Variants in TRIP12 observed in about 807,000 individuals in gnomAD.
The protein encoded by TRIP12 is E3 ubiquitin-protein ligase TRIP12.
In TRIP12, 25 loss-of-function variants were observed where a neutral mutation model predicts 244.2. The ratio of observed to expected loss-of-function variants is 0.10; its 90% CI spans 0.07 to 0.14. The LOEUF is 0.14. Ranked by LOEUF, TRIP12 falls within the 10% of genes least tolerant of loss-of-function variation. The pLI is 1.00. For synonymous variants in TRIP12, 905 were observed against 873.1 expected, an observed-to-expected ratio of 1.04 and a Z score of -0.64; for missense variants, 1,677 against 2,486.4, an observed-to-expected ratio of 0.67 and a Z score of 6.92.
Position 229,817,497 on chromosome 2 carries a change from A to G in TRIP12, c.1599+867T>C, listed in dbSNP as rs530172299. Among the ~76,000 whole-genome samples, 13 of 152,350 alleles carry G rather than the reference A, an allele frequency of 8.5e-5. No homozygotes were observed. In the South Asian group the frequency reaches 1.0e-3, roughly 12 times the overall value. ...TGTTTTCATATTTAAAAGTTTAAGG[A>G]ATCAAGCTGTTAATAAATCTATCAT... is the stretch of plus-strand genomic sequence containing the variant. On this transcript the variant is annotated intron_variant, in intron 9 of 41. Coordinates refer to ENST00000675903, the MANE Select transcript of TRIP12 (RefSeq NM_001348323.3).
chr2:229,775,649 A>C (rs2035997347), intron 37 of TRIP12, among the ~76,000 whole-genome samples: 1 of 151,102 alleles, frequency 6.6e-6, no homozygotes, highest in South Asian at 2.1e-4. Context: ...GATTTTATAT[A>C]TTAAGTCGAG....
chr2:229,888,101 C>A (rs935925614), intron 1 of TRIP12, among the ~76,000 whole-genome samples: 2 of 152,192 alleles, frequency 1.3e-5, no homozygotes, highest in Non-Finnish European at 2.9e-5. Flanking sequence ...TATTTACATT[C>A]TATAGTTCTA....
At chr2:229,806,340 A>C (rs1246718149) in intron 17 of TRIP12, among the ~76,000 whole-genome samples, 1 of 150,978 alleles carries the variant, frequency 6.6e-6, no homozygotes, top group Non-Finnish European at 1.5e-5. Flanking sequence ...AATTGTCCTC[A>C]TTAAACAAAG....
At position 229,879,962 on chromosome 2, in the gene TRIP12, A is replaced by G. The variant is rs1443820482; in HGVS notation, c.98+20T>C. 1.2e-6 allele frequency: 2 copies of G among 1,613,054 alleles called. No individual in the cohort carries two copies. Among genetic ancestry groups the G allele is most frequent in the Admixed American group, 1.7e-5 (1 of 60,006 alleles). On this transcript the variant is annotated intron_variant, in intron 2 of 41. Transcript: ENST00000675903. ...TTCTTTTATTCCCAATTCCTTTTCA[A>G]ATTACCATGAAATACATACCTTCCT...
At chr2:229,869,590 A>G (rs1445354832) in intron 2 of TRIP12, among the ~76,000 whole-genome samples, 1 of 152,138 alleles carries the variant, frequency 6.6e-6, no homozygotes, top group Non-Finnish European at 1.5e-5. Context: ...TTTCCCTGGT[A>G]GGAAAAGAAA....
At chr2:229,903,029 T>C (rs1400814905) in intron 1 of TRIP12, among the ~76,000 whole-genome samples, 1 of 149,626 alleles carries the variant, frequency 6.7e-6, no homozygotes, top group Admixed American at 6.6e-5. Context: ...TTTTTTTTTT[T>C]TTTTTTTGCC....
At chr2:229,877,417 C>G (rs755312770) in intron 2 of TRIP12, among the ~76,000 whole-genome samples, 5 of 152,194 alleles carry the variant, frequency 3.3e-5, no homozygotes, top group Admixed American at 6.5e-5. Flanking sequence ...GTAATCCCAG[C>G]TACTACTTGG....
At chr2:229,780,784 T>C (rs2037888849) in intron 34 of TRIP12, among the ~76,000 whole-genome samples, 1 of 152,158 alleles carries the variant, frequency 6.6e-6, no homozygotes, top group Non-Finnish European at 1.5e-5. Flanking sequence ...CTAACATATA[T>C]GTGTACATGA....
At chr2:229,869,208 T>A (rs1423406107) in intron 2 of TRIP12, among the ~76,000 whole-genome samples, 1 of 152,174 alleles carries the variant, frequency 6.6e-6, no homozygotes, top group Admixed American at 6.5e-5. Flanking sequence ...TATGCCCTAT[T>A]TCAACCCTTC....
At chr2:229,885,093 CTA>C (rs138295225) in intron 1 of TRIP12, among the ~76,000 whole-genome samples, 2,922 of 152,220 alleles carry the variant, frequency 0.019, 66 homozygotes, top group African/African-American at 0.064. Context: ...TGTGATTTTT[CTA>C]TGTTTGGATA....
At chr2:229,767,993 G>C (rs1480099429) in intron 41 of TRIP12, among the ~76,000 whole-genome samples, 1 of 152,168 alleles carries the variant, frequency 6.6e-6, no homozygotes, top group East Asian at 1.9e-4. Context: ...AATACCCACA[G>C]TGGTTCACGC....
intron 4 of TRIP12, among the ~76,000 whole-genome samples, chr2:229,845,223 T>C (rs2057328542): frequency 6.6e-6 from 1 of 152,188 alleles, no homozygotes; most frequent in Non-Finnish European, 1.5e-5. Flanking sequence ...TCTCTTGGCT[T>C]TACCACCCAT....
At chr2:229,785,735 C>A (rs1183756011) in intron 34 of TRIP12, 22 bp downstream of exon 34, 1 of 1,603,814 alleles carries the variant, frequency 6.2e-7, no homozygotes, top group South Asian at 1.1e-5. Flanking sequence ...GCTAAATAAC[C>A]ATCACCAGAC....
chr2:229,821,762 C>CTA (rs1318792240), intron 8 of TRIP12, among the ~76,000 whole-genome samples: 1 of 152,132 alleles, frequency 6.6e-6, no homozygotes, highest in Non-Finnish European at 1.5e-5. Context: ...AAACAGAAGC[C>CTA]TATAGTGCTT....
intron 34 of TRIP12, among the ~76,000 whole-genome samples, chr2:229,784,513 G>GAAAAAAAAAAAAAAAAAAAA (rs796545176): frequency 1.7e-5 from 1 of 57,826 alleles, no homozygotes. Flanking sequence ...GCACAAACAA[G>GAAAAAAAAAAAAAAAAAAAA]AAAAAAAAAA....
At chr2:229,847,053 T>C (rs936901848) in intron 4 of TRIP12, among the ~76,000 whole-genome samples, 1 of 152,350 alleles carries the variant, frequency 6.6e-6, no homozygotes, top group Non-Finnish European at 1.5e-5. Context: ...TGGGAATTCA[T>C]GTATTTCTAA....
chr2:229,798,956 C>T lies in TRIP12; in HGVS notation c.3401G>A (p.Ser1134Asn), dbSNP rs1468979185. ...AGTCCGTGCTGGCTCAATGTTGTTG[C>T]TGTTGGACTGTGTACTTAACCTTCC... ...TWGRLSTQSN[S>N]NNIEPARTAG... The change falls in exon 23 of 42, where the codon AGC becomes AAC. Residue 1134 changes from serine to asparagine, a missense_variant. Ser to Asn is a conservative substitution (Grantham distance 46). Transcript: ENST00000675903. The T allele has an allele frequency of 1.2e-6, 2 of 1,614,210 alleles. No homozygotes were observed. The highest frequency in any genetic ancestry group is 4.5e-5 in the East Asian group (2 of 44,884).
At chr2:229,895,475 C>G (rs2068551656) in intron 1 of TRIP12, among the ~76,000 whole-genome samples, 1 of 151,220 alleles carries the variant, frequency 6.6e-6, no homozygotes, top group Non-Finnish European at 1.5e-5. Context: ...TCCACAGATG[C>G]AAGGGACCTA....
chr2:229,790,543 G>C (rs961418824), intron 30 of TRIP12, among the ~76,000 whole-genome samples: 86 of 151,994 alleles, frequency 5.7e-4, no homozygotes, highest in Admixed American at 2.1e-3. Context: ...CAGGGGGAGG[G>C]GGGGGTGTCC....
Sources: allele counts gnomAD v4.1 joint callset (sites outside exome capture counted in the v4.1 genomes callset), GRCh38; gene constraint gnomAD v4.1.1; transcripts MANE v1.5; gene names NCBI Gene and HGNC (gene_info 2026-07-23, HGNC 2026-07-21).